SKAP2: variants seen among roughly 807,000 people sequenced by gnomAD.
SKAP2 encodes src kinase-associated phosphoprotein 2.
SKAP2 carries 28 observed loss-of-function variants against 54.9 expected under a neutral mutation model. The ratio of observed to expected loss-of-function variants is 0.51; its 90% CI spans 0.38 to 0.70. The LOEUF (loss-of-function observed/expected upper bound fraction) is 0.70, where lower values mean the gene tolerates loss of function less well. Ranked by LOEUF, SKAP2 falls within the 30% of genes least tolerant of loss-of-function variation. SKAP2 has a pLI of 0.00. For synonymous variants in SKAP2, 137 were observed against 134.3 expected (o/e 1.02, Z -0.14); for missense variants, 356 against 424.1 (o/e 0.84, Z 1.41).
chr7:26,783,215 T>C (rs1301221036), intron 4 of SKAP2, among the ~76,000 whole-genome samples: 2 of 152,132 alleles, frequency 1.3e-5, no homozygotes, highest in African/African-American at 4.8e-5. Flanking sequence ...TATCCAGACG[T>C]TGTTGTTGAC....
At chr7:26,740,293 C>T (rs776437206) in intron 4 of SKAP2, among the ~76,000 whole-genome samples, 50 of 152,094 alleles carry the variant, frequency 3.3e-4, no homozygotes, top group South Asian at 2.1e-4. Flanking sequence ...ATCATAGCTT[C>T]GTTATATTTA....
rs575499810 is a variant in SKAP2 at position 26,826,848 on chromosome 7, C to T, written c.307+17182G>A. On this transcript the variant is annotated intron_variant, in intron 4 of 12. Coordinates refer to ENST00000345317, the MANE Select transcript of SKAP2 (RefSeq NM_003930.5). Reference sequence around the variant, plus strand: ...TAAAAGTAAAATCTATTGAAATAAACTTTTATTCCATCTAGCACTTTGCCT... The same window carrying T: ...TAAAAGTAAAATCTATTGAAATAAATTTTTATTCCATCTAGCACTTTGCCT... Among the ~76,000 whole-genome samples the T allele has an allele frequency of 6.4e-4, 98 of 152,240 alleles. 1 individual carries two copies. The highest frequency in any genetic ancestry group is 2.2e-3 in the African/African-American group (93 of 41,564).
At chr7:26,678,130 T>G (rs988962030) in intron 11 of SKAP2, among the ~76,000 whole-genome samples, 3 of 152,182 alleles carry the variant, frequency 2.0e-5, no homozygotes, top group Non-Finnish European at 4.4e-5. Context: ...TCTGTAAAAT[T>G]ATAACATCAT....
chr7:26,717,759 G>C (rs189905238), intron 9 of SKAP2, among the ~76,000 whole-genome samples: 2 of 150,582 alleles, frequency 1.3e-5, no homozygotes, highest in African/African-American at 2.5e-5. Flanking sequence ...TTGAACCTCG[G>C]GGGTAGAGGT....
intron 11 of SKAP2, among the ~76,000 whole-genome samples, chr7:26,681,305 A>T (rs1010661956): frequency 7.9e-5 from 12 of 152,166 alleles, no homozygotes; most frequent in Non-Finnish European, 1.8e-4. Context: ...TGCAAAAATT[A>T]GCTGGGTGTG....
chr7:26,739,165 C>T (rs1013031370), intron 5 of SKAP2, among the ~76,000 whole-genome samples: 3 of 152,146 alleles, frequency 2.0e-5, no homozygotes, highest in Non-Finnish European at 2.9e-5. Context: ...ATAATTGATC[C>T]ATCTGGGTCT....
chr7:26,789,856 G>A (rs1010848686), intron 4 of SKAP2, among the ~76,000 whole-genome samples: 1 of 152,152 alleles, frequency 6.6e-6, no homozygotes, highest in Non-Finnish European at 1.5e-5. Context: ...CCTAAGCGTT[G>A]TGCCAAAGGG....
At chr7:26,662,322 C>T (rs527831241), downstream of SKAP2, among the ~76,000 whole-genome samples, 3 of 152,150 alleles carry the variant, frequency 2.0e-5, no homozygotes, top group Non-Finnish European at 2.9e-5. Context: ...TTTCCCTCCC[C>T]GTTTATTTTT....
chr7:26,857,542 A>C, intron 1 of SKAP2: 1 of 985,372 alleles, frequency 1.0e-6, no homozygotes, highest in South Asian at 4.7e-5. Flanking sequence ...TCTGAGCAAC[A>C]CACCGATCCT....
intron 4 of SKAP2, among the ~76,000 whole-genome samples, chr7:26,765,685 A>G (rs1041670771): frequency 3.9e-5 from 6 of 152,178 alleles, no homozygotes; most frequent in Non-Finnish European, 7.3e-5. Context: ...TTTTCTGCAT[A>G]TGACTAGGCA....
intron 9 of SKAP2, among the ~76,000 whole-genome samples, chr7:26,709,462 T>A (rs180768090): frequency 7.5e-4 from 114 of 152,302 alleles, no homozygotes; most frequent in Admixed American, 2.1e-3. Flanking sequence ...TTCCTCTTTT[T>A]GAGGCCCTCC....
intron 4 of SKAP2, among the ~76,000 whole-genome samples, chr7:26,828,344 A>G (rs1253415865): frequency 6.6e-6 from 1 of 152,168 alleles, no homozygotes; most frequent in Non-Finnish European, 1.5e-5. Flanking sequence ...TTAACGAACG[A>G]TGTTAAAGGC....
chr7:26,794,558 C>T (rs1783732264), intron 4 of SKAP2, among the ~76,000 whole-genome samples: 1 of 152,252 alleles, frequency 6.6e-6, no homozygotes, highest in Admixed American at 6.5e-5. Flanking sequence ...AAACTGCATG[C>T]TGTTTGCAAG....
In SKAP2 at chr7:26,757,683, T is replaced by TA. The variant is rs1390255516; in HGVS notation, c.308-17720dup. ...CTCTTTTTTGGTTCCATATGAACTT[T>TA]AAAGTAGTTTTTTCCAATTCTGTGA... On this transcript the variant is annotated intron_variant, in intron 4 of 12. Transcript: ENST00000345317. Among the ~76,000 whole-genome samples, 4 of 152,330 alleles carry TA rather than the reference T, an allele frequency of 2.6e-5. No homozygotes were observed. The East Asian group carries it at 7.7e-4, about 29-fold the overall frequency.
chr7:26,813,331 T>G (rs1388532789), intron 4 of SKAP2, among the ~76,000 whole-genome samples: 1 of 152,188 alleles, frequency 6.6e-6, no homozygotes, highest in East Asian at 1.9e-4. Flanking sequence ...GTTTCCATAC[T>G]GATTTACACT....
intron 11 of SKAP2, among the ~76,000 whole-genome samples, chr7:26,673,593 G>T (rs1019417843): frequency 6.6e-6 from 1 of 151,940 alleles, no homozygotes; most frequent in African/African-American, 2.4e-5. Context: ...GTACTCAAAA[G>T]AAATTCAATA....
chr7:26,679,849 C>T (rs931045985), intron 11 of SKAP2, among the ~76,000 whole-genome samples: 1 of 152,166 alleles, frequency 6.6e-6, no homozygotes, highest in African/African-American at 2.4e-5. Flanking sequence ...CACAATTCAC[C>T]AATCACTGGA....
chr7:26,819,691 A>G (rs575433988), intron 4 of SKAP2, among the ~76,000 whole-genome samples: 23 of 152,322 alleles, frequency 1.5e-4, no homozygotes, highest in African/African-American at 5.1e-4. Context: ...TTGTTAAAAG[A>G]CAGCATCTTT....
intron 4 of SKAP2, among the ~76,000 whole-genome samples, chr7:26,765,529 A>G (rs1783033348): frequency 6.6e-6 from 1 of 152,192 alleles, no homozygotes; most frequent in Non-Finnish European, 1.5e-5. Context: ...TGTTTAAGTC[A>G]TAAAGTCTTT....
Sources: gnomAD v4.1 joint callset for allele counts (sites outside exome capture counted in the v4.1 genomes callset) on GRCh38, gnomAD v4.1.1 for gene constraint, MANE v1.5 for transcripts, NCBI Gene and HGNC (gene_info 2026-07-23, HGNC 2026-07-21) for gene names.